TNS1: variants seen among roughly 807,000 people sequenced by gnomAD.
The protein encoded by TNS1 is tensin-1.
TNS1 carries 62 observed loss-of-function variants against 168.6 expected under a neutral mutation model. The ratio of observed to expected loss-of-function variants is 0.37; its 90% CI spans 0.30 to 0.45. The LOEUF (loss-of-function observed/expected upper bound fraction) is 0.45. Among genes scored for constraint, TNS1 ranks in the 20% least tolerant of loss-of-function variants. The probability of loss-of-function intolerance (pLI) is 1.00; values close to 1 mark genes in which losing one functional copy is unlikely to be tolerated. For missense variants in TNS1, 2,240 were observed against 2,339.4 expected (o/e 0.96, Z 0.88); for synonymous variants, 934 against 933.2 (o/e 1.00, Z -0.02).
chr2:217,891,915 C>T (rs571053943), intron 11 of TNS1, among the ~76,000 whole-genome samples: 158 of 152,318 alleles, frequency 1.0e-3, no homozygotes, highest in African/African-American at 3.7e-3. Context: ...AGGCCTTCTC[C>T]AACCATGGAC....
At chr2:217,829,985 T>G in intron 22 of TNS1, 2 of 1,529,852 alleles carry the variant, frequency 1.3e-6, no homozygotes, top group South Asian at 1.3e-5. Flanking sequence ...AGAAAGAGAT[T>G]AACAGGGATT....
Position 217,810,011 on chromosome 2 carries a change from G to T in TNS1, c.5105-20C>A, listed in dbSNP as rs1323550333. Reference sequence around the variant, plus strand: ...TGCAGGCTGGAAGAAACCAACCCAAGGGGGAGTCATGGGAGCTGGCGTGGG... The same window carrying T: ...TGCAGGCTGGAAGAAACCAACCCAATGGGGAGTCATGGGAGCTGGCGTGGG... On this transcript the variant is annotated intron_variant, in intron 29 of 32. Transcript: ENST00000682258. 1 of 1,605,568 alleles carries T rather than the reference G, an allele frequency of 6.2e-7. No homozygotes were observed. The highest frequency in any genetic ancestry group is 2.2e-5 in the East Asian group (1 of 44,706).
chr2:217,900,449 C>G lies in TNS1; in HGVS notation c.371+14G>C. The G allele has an allele frequency of 1.3e-6, 2 of 1,534,774 alleles. No individual in the cohort carries two copies. Among genetic ancestry groups the G allele is most frequent in the South Asian group, 1.2e-5 (1 of 83,974 alleles). The stretch of plus-strand genomic sequence containing the variant: ...CTTGCACTCCCGCCCCCTGCCCCCA[C>G]GGGCCAGGCATACCTGATGGGCTGG... On this transcript the variant is annotated intron_variant, in intron 7 of 32. Coordinates refer to ENST00000682258, the MANE Select transcript of TNS1 (RefSeq NM_001387777.1).
chr2:218,016,068 G>C (rs1184613805), intron 1 of TNS1, among the ~76,000 whole-genome samples: 2 of 152,106 alleles, frequency 1.3e-5, no homozygotes, highest in African/African-American at 4.8e-5. Context: ...GGAGGGCAGG[G>C]GAGGGCCCAG....
chr2:217,906,276 C>A (rs1226185800), intron 6 of TNS1, 59 bp downstream of exon 6: 1 of 666,492 alleles, frequency 1.5e-6, no homozygotes, highest in South Asian at 1.5e-5. Context: ...CCCACCCCAC[C>A]CCATTCCCCC....
intron 3 of TNS1, among the ~76,000 whole-genome samples, chr2:217,941,429 G>A (rs1217948573): frequency 1.3e-5 from 2 of 152,258 alleles, no homozygotes; most frequent in African/African-American, 4.8e-5. Flanking sequence ...TTTGCAGGAA[G>A]CAGCTGGGTG....
At chr2:217,908,179 C>G (rs1310923042) in intron 4 of TNS1, among the ~76,000 whole-genome samples, 5 of 152,154 alleles carry the variant, frequency 3.3e-5, no homozygotes, top group Non-Finnish European at 7.4e-5. Flanking sequence ...CATAGTGGGC[C>G]ATCAATAAAC....
At chr2:218,006,345 G>T (rs1020585020), upstream of TNS1, among the ~76,000 whole-genome samples, 2 of 152,170 alleles carry the variant, frequency 1.3e-5, no homozygotes, top group Non-Finnish European at 2.9e-5. Context: ...GGCCTCCAAG[G>T]TCCCTTCCAG....
chr2:218,007,864 CCACCAAGCCCTGG>C (rs1243927495), upstream of TNS1, among the ~76,000 whole-genome samples: 1 of 152,164 alleles, frequency 6.6e-6, no homozygotes, highest in Non-Finnish European at 1.5e-5. Context: ...CATGCCCTAC[CCACCAAGCCCTGG>C]CATGAGATGC....
rs1220035338 is a variant in TNS1 at position 218,010,065 on chromosome 2, G to T, written c.96+35C>A. On this transcript the variant is annotated intron_variant, in intron 1 of 32. Coordinates refer to the TNS1 transcript ENST00000646520. The stretch of plus-strand genomic sequence containing the variant: ...TCTGGGAGGGAGGGGGCGGGGGGGG[G>T]TCGGAAGGGGCCAGGTGTGGCCGAG... The T allele has an allele frequency of 3.4e-5, 11 of 322,424 alleles. 1 individual carries two copies. Among genetic ancestry groups the T allele is most frequent in the Non-Finnish European group, 1.1e-5 (2 of 180,802 alleles). 20.0% of individuals were successfully genotyped at this position (322,424 alleles called of 1,614,324 possible). A position where few individuals can be genotyped will look rare whatever the true frequency, so the allele number is the denominator to read the frequency against.
intron 4 of TNS1, among the ~76,000 whole-genome samples, chr2:217,918,213 T>C (rs1472844749): frequency 6.6e-6 from 1 of 152,220 alleles, no homozygotes; most frequent in Admixed American, 6.5e-5. Flanking sequence ...ACAGCATAGG[T>C]ACCGTCACTA....
At chr2:217,830,165 G>A (rs1012968141) in intron 22 of TNS1, among the ~76,000 whole-genome samples, 1 of 152,156 alleles carries the variant, frequency 6.6e-6, no homozygotes, top group African/African-American at 2.4e-5. Flanking sequence ...TCAGGAGCCT[G>A]AGCCCCTCGC....
At chr2:217,830,399 A>G in intron 22 of TNS1, 1 of 1,614,084 alleles carries the variant, frequency 6.2e-7, no homozygotes, top group Non-Finnish European at 8.5e-7. Flanking sequence ...AACTAAGGAA[A>G]AAAGTAAAGT....
At chr2:218,021,357 C>T (rs1049689745) in intron 1 of TNS1, among the ~76,000 whole-genome samples, 11 of 152,236 alleles carry the variant, frequency 7.2e-5, no homozygotes, top group Non-Finnish European at 1.5e-4. Flanking sequence ...CAGAAAGTCC[C>T]TCTGAACTCT....
chr2:217,954,098 G>A (rs928232546), intron 3 of TNS1, among the ~76,000 whole-genome samples: 4 of 152,196 alleles, frequency 2.6e-5, no homozygotes, highest in Non-Finnish European at 4.4e-5. Context: ...TAATAAGCCC[G>A]CCAGGCTCTC....
rs1026010820 is a variant in TNS1, at chr2:217,829,984, T to A, written c.3373+1471A>T. Reference sequence around the variant, plus strand: ...AAAAAAGGAAAAAGAGAGAAAGAGATTAACAGGGATTATTTCTTGAGAAAG... The same window carrying A: ...AAAAAAGGAAAAAGAGAGAAAGAGAATAACAGGGATTATTTCTTGAGAAAG... On this transcript the variant is annotated intron_variant, in intron 22 of 32. Coordinates refer to ENST00000682258, the MANE Select transcript of TNS1 (RefSeq NM_001387777.1). The A allele has an allele frequency of 5.2e-6, 8 of 1,529,378 alleles. No homozygotes were observed. In the African/African-American group the frequency reaches 6.9e-5, roughly 13 times the overall value. The allele number at this position is 1,529,378 out of a possible 1,614,324, so 94.7% of individuals were successfully genotyped here. A position where few individuals can be genotyped will look rare whatever the true frequency, so the allele number is the denominator to read the frequency against.
intron 3 of TNS1, among the ~76,000 whole-genome samples, chr2:217,974,002 C>T (rs1957831852): frequency 6.6e-6 from 1 of 152,212 alleles, no homozygotes; most frequent in African/African-American, 2.4e-5. Flanking sequence ...GCCTCCCAGA[C>T]ATAATGCTGA....
intron 18 of TNS1, chr2:217,850,323 G>A: frequency 1.3e-5 from 13 of 985,328 alleles, no homozygotes; most frequent in Non-Finnish European, 1.6e-5. Flanking sequence ...GATGCAGGGG[G>A]TTCAGGGACT....
At chr2:217,805,668 A>ACAC (rs1466166274) in intron 32 of TNS1, among the ~76,000 whole-genome samples, 5 of 61,346 alleles carry the variant, frequency 8.2e-5, no homozygotes, top group Non-Finnish European at 1.4e-4. Flanking sequence ...CACACATATC[A>ACAC]CCACACACAT....
Sources: gnomAD v4.1 joint callset for allele counts (sites outside exome capture counted in the v4.1 genomes callset) on GRCh38, gnomAD v4.1.1 for gene constraint, MANE v1.5 for transcripts, NCBI Gene and HGNC (gene_info 2026-07-23, HGNC 2026-07-21) for gene names.